PAPPA2: variants seen among roughly 807,000 people sequenced by gnomAD.
The protein encoded by PAPPA2 is pappalysin-2.
Under a neutral mutation model 176.4 loss-of-function variants are expected in PAPPA2, and 86 were observed. The observed-to-expected ratio is 0.49, with a 90% CI of 0.41 to 0.58. The LOEUF is 0.58. PAPPA2 is among the 20% of genes least tolerant of loss of function. The pLI is 0.00. For synonymous variants in PAPPA2, 809 were observed against 852.2 expected (o/e 0.95, Z 0.88); for missense variants, 2,073 against 2,256.9 (o/e 0.92, Z 1.65).
Position 176,711,941 on chromosome 1 carries a change from C to T in PAPPA2, c.3758C>T (p.Pro1253Leu). 6.2e-7 allele frequency: 1 copy of T among 1,613,544 alleles called. No individual in the cohort carries two copies. The highest frequency in any genetic ancestry group is 8.5e-7 in the Non-Finnish European group (1 of 1,179,640). ...NETQDDRSEQ[P>L]EGSLKKEDEV... ...ACTCAGGATGACAGGAGTGAACAGCCAGAAGGTAGCCTGAAGAAAGAGGAT... is the reference window on the plus strand; with the variant it reads ...ACTCAGGATGACAGGAGTGAACAGCTAGAAGGTAGCCTGAAGAAAGAGGAT... Residue 1253 changes from proline to leucine, a missense_variant, in exon 12 of 23, where the codon CCA becomes CTA. Around this residue, in one of 4 missense-constraint regions of PAPPA2, gnomAD observed 846 missense variants for 857.9 expected, o/e 0.99. Transcript: ENST00000367662.
chr1:176,655,700 C>T (rs1363062552), intron 3 of PAPPA2, among the ~76,000 whole-genome samples: 5 of 151,718 alleles, frequency 3.3e-5, no homozygotes, highest in African/African-American at 2.4e-5. Context: ...GAGTAGAAAG[C>T]GGGTGGATGA....
intron 14 of PAPPA2, among the ~76,000 whole-genome samples, chr1:176,761,827 C>A (rs1571287778): frequency 6.6e-6 from 1 of 152,244 alleles, no homozygotes; most frequent in African/African-American, 2.4e-5. Flanking sequence ...AAATACCTAA[C>A]TTCCCACTTC....
At chr1:176,760,155 A>G (rs1253247000) in intron 14 of PAPPA2, among the ~76,000 whole-genome samples, 2 of 152,232 alleles carry the variant, frequency 1.3e-5, no homozygotes, top group African/African-American at 2.4e-5. Context: ...ATCAAATTCA[A>G]TAATAAAACT....
intron 4 of PAPPA2, among the ~76,000 whole-genome samples, chr1:176,681,133 G>A (rs970347084): frequency 2.6e-5 from 4 of 152,148 alleles, no homozygotes; most frequent in Non-Finnish European, 5.9e-5. Context: ...AAGACAGAGA[G>A]TTTTGAGAAA....
intron 1 of PAPPA2, among the ~76,000 whole-genome samples, chr1:176,547,237 G>A (rs1650684949): frequency 6.6e-6 from 1 of 152,070 alleles, no homozygotes; most frequent in Non-Finnish European, 1.5e-5. Flanking sequence ...CTTTTCATGG[G>A]TCTGTCTCCT....
chr1:176,701,705 T>C (rs759130734), intron 8 of PAPPA2, among the ~76,000 whole-genome samples: 28 of 152,164 alleles, frequency 1.8e-4, no homozygotes, highest in African/African-American at 6.0e-4. Flanking sequence ...AGAATACTGA[T>C]GGCAGCCACT....
At chr1:176,615,772 G>A (rs1191998224) in intron 3 of PAPPA2, among the ~76,000 whole-genome samples, 1 of 152,188 alleles carries the variant, frequency 6.6e-6, no homozygotes, top group African/African-American at 2.4e-5. Context: ...AAAGTGAGCA[G>A]ACAAATCACC....
At chr1:176,687,100 A>G (rs1398067966) in intron 4 of PAPPA2, among the ~76,000 whole-genome samples, 1 of 152,220 alleles carries the variant, frequency 6.6e-6, no homozygotes, top group African/African-American at 2.4e-5. Context: ...GCAATCTCCT[A>G]GTTAACACAC....
In PAPPA2 at chr1:176,767,370, C is replaced by T. The variant is rs1056011427; in HGVS notation, c.4323+1533C>T. 2.6e-5 allele frequency among the ~76,000 whole-genome samples: 4 copies of T among 152,216 alleles called. No individual in the cohort carries two copies. In the East Asian group the frequency reaches 5.8e-4, roughly 22 times the overall value. On this transcript the variant is annotated intron_variant, in intron 15 of 22. Coordinates refer to ENST00000367662, the MANE Select transcript of PAPPA2 (RefSeq NM_020318.3). ...ATTCTTTTTTTTTGAGACGGAGTCTCGCTCTGTCGCCCAGGCTGGAGTGCA... is the reference window on the plus strand; with the variant it reads ...ATTCTTTTTTTTTGAGACGGAGTCTTGCTCTGTCGCCCAGGCTGGAGTGCA...
chr1:176,660,601 G>A (rs532330182), intron 3 of PAPPA2, among the ~76,000 whole-genome samples: 7 of 152,122 alleles, frequency 4.6e-5, no homozygotes, highest in African/African-American at 1.7e-4. Context: ...AGTGTGAGTT[G>A]TTATAAATCT....
chr1:176,651,682 T>A (rs1657734782), intron 3 of PAPPA2, among the ~76,000 whole-genome samples: 1 of 151,664 alleles, frequency 6.6e-6, no homozygotes, highest in African/African-American at 2.4e-5. Flanking sequence ...TTAAGAAAAG[T>A]TTTCTTTAGA....
At chr1:176,622,844 C>T (rs969344308) in intron 3 of PAPPA2, among the ~76,000 whole-genome samples, 1 of 152,110 alleles carries the variant, frequency 6.6e-6, no homozygotes, top group Non-Finnish European at 1.5e-5. Flanking sequence ...AATTTATAAA[C>T]AATAGAAATT....
intron 1 of PAPPA2, among the ~76,000 whole-genome samples, chr1:176,510,062 CA>C (rs1237187008): frequency 6.6e-6 from 1 of 151,752 alleles, no homozygotes; most frequent in African/African-American, 2.4e-5. Context: ...ACCCCAAAAA[CA>C]AAAAATAAGA....
chr1:176,602,842 A>G (rs567097671), intron 3 of PAPPA2, among the ~76,000 whole-genome samples: 2 of 152,360 alleles, frequency 1.3e-5, no homozygotes, highest in East Asian at 3.9e-4. Context: ...AGGAGGTTCC[A>G]TAGATAAGCA....
At chr1:176,678,147 G>A (rs1659398393) in intron 4 of PAPPA2, among the ~76,000 whole-genome samples, 2 of 152,070 alleles carry the variant, frequency 1.3e-5, no homozygotes, top group Non-Finnish European at 2.9e-5. Flanking sequence ...ACTTAGAAGT[G>A]GGTGTGCTTT....
chr1:176,747,227 C>G (rs1428937916), intron 14 of PAPPA2, among the ~76,000 whole-genome samples: 3 of 152,206 alleles, frequency 2.0e-5, no homozygotes, highest in African/African-American at 7.2e-5. Flanking sequence ...AATCAAATAA[C>G]AGCTGTATTT....
intron 4 of PAPPA2, among the ~76,000 whole-genome samples, chr1:176,672,932 G>A (rs1299840705): frequency 1.3e-5 from 2 of 152,140 alleles, no homozygotes; most frequent in African/African-American, 4.8e-5. Context: ...CATTGCATGT[G>A]TTGATAACAT....
chr1:176,543,542 A>C (rs1188072785), intron 1 of PAPPA2, among the ~76,000 whole-genome samples: 1 of 151,968 alleles, frequency 6.6e-6, no homozygotes, highest in East Asian at 1.9e-4. Flanking sequence ...GTGGAGGTTT[A>C]GCTCAGCTTC....
At chr1:176,713,100 TC>T (rs1204957667) in intron 12 of PAPPA2, among the ~76,000 whole-genome samples, 1 of 152,156 alleles carries the variant, frequency 6.6e-6, no homozygotes, top group Non-Finnish European at 1.5e-5. Context: ...TTTCATATCT[TC>T]CAACACTATG....
Sources: allele counts gnomAD v4.1 joint callset (sites outside exome capture counted in the v4.1 genomes callset), GRCh38; gene constraint gnomAD v4.1.1; regional missense constraint gnomAD v4.1.1; transcripts MANE v1.5; gene names NCBI Gene and HGNC (gene_info 2026-07-23, HGNC 2026-07-21).